Variants in RAP1B observed in about 807,000 individuals in gnomAD.
RAP1B encodes the protein RAP1B, member of RAS oncogene family.
RAP1B carries 1 observed loss-of-function variant against 27.5 expected under a neutral mutation model. The observed-to-expected ratio is 0.04, with a 90% CI of 0.01 to 0.17. The LOEUF (loss-of-function observed/expected upper bound fraction) is 0.17, where lower values mean the gene tolerates loss of function less well. Among genes scored for constraint, RAP1B ranks in the 10% least tolerant of loss-of-function variants. The probability of loss-of-function intolerance (pLI) is 1.00; values close to 1 mark genes in which losing one functional copy is unlikely to be tolerated. For synonymous variants in RAP1B, 75 were observed against 73.1 expected, an observed-to-expected ratio of 1.03 and a Z score of -0.13; for missense variants, 84 against 214.8, an observed-to-expected ratio of 0.39 and a Z score of 3.81.
At chr12:68,651,595 G>C (rs1873818053) in intron 3 of RAP1B, 1 of 171,608 alleles carries the variant, frequency 5.8e-6, no homozygotes, top group Non-Finnish European at 1.3e-5. Context: ...GTTACCTAGA[G>C]AAATGAGGTA....
At chr12:68,632,160 T>TTTTC (rs150063055) in intron 1 of RAP1B, among the ~76,000 whole-genome samples, 9 of 144,804 alleles carry the variant, frequency 6.2e-5, no homozygotes, top group African/African-American at 1.9e-4. Context: ...GTTTTTTTTT[T>TTTTC]CCAGACTGTT....
rs1874889400 is a variant in RAP1B, at chr12:68,667,155, A to G, written c.*7906A>G. Reference sequence around the variant, plus strand: ...ACAAACTTTTCTTTTTCATTTTCAGACATATCCAGAGGGTTTTCTCTTCAT... The same window carrying G: ...ACAAACTTTTCTTTTTCATTTTCAGGCATATCCAGAGGGTTTTCTCTTCAT... On this transcript the variant is annotated 3_prime_UTR_variant, in exon 8 of 8. Coordinates refer to ENST00000250559, the MANE Select transcript of RAP1B (RefSeq NM_001010942.3). 6.6e-6 allele frequency: 1 copy of G among 152,168 alleles called. No individual in the cohort carries two copies. Among genetic ancestry groups the G allele is most frequent in the South Asian group, 2.1e-4 (1 of 4,828 alleles). The allele number at this position is 152,168 out of a possible 1,614,324, so 9.4% of individuals were successfully genotyped here. A position where few individuals can be genotyped will look rare whatever the true frequency, so the allele number is the denominator to read the frequency against.
chr12:68,648,592 A>T (rs972256655), intron 1 of RAP1B, 107 bp from the exon 2 acceptor site: 1 of 904,612 alleles, frequency 1.1e-6, no homozygotes, highest in African/African-American at 1.7e-5. Flanking sequence ...AGGGTTGTAT[A>T]GTAATCATTT....
intron 1 of RAP1B, among the ~76,000 whole-genome samples, chr12:68,625,059 G>A (rs1175912146): frequency 6.6e-6 from 1 of 152,194 alleles, no homozygotes; most frequent in East Asian, 1.9e-4. Context: ...CACACATAAT[G>A]CATGTGATGT....
chr12:68,642,547 A>C (rs565059651), intron 1 of RAP1B: 100 of 1,038,314 alleles, frequency 9.6e-5, no homozygotes, highest in Non-Finnish European at 1.4e-4. Flanking sequence ...GAGGCCAATA[A>C]GGATACTTTT....
chr12:68,654,360 G>GGT lies in RAP1B; in HGVS notation c.324+111_324+112dup, dbSNP rs1555173477. The GGT allele has an allele frequency of 8.6e-4, 370 of 432,062 alleles. 10 individuals carry two copies. The highest frequency in any genetic ancestry group is 1.2e-3 in the South Asian group (24 of 20,830). The allele number at this position is 432,062 out of a possible 1,614,324, so 26.8% of individuals were successfully genotyped here. On this transcript the variant is annotated intron_variant, in intron 5 of 7. Coordinates refer to ENST00000250559, the MANE Select transcript of RAP1B (RefSeq NM_001010942.3). ...GCTTGTGTATTTTGGTTGGGGGGGG[G>GGT]GTGTTGGTTTTTTTAAACTTTTTCC...
intron 1 of RAP1B, among the ~76,000 whole-genome samples, chr12:68,636,975 C>T (rs1464900500): frequency 6.6e-6 from 1 of 151,932 alleles, no homozygotes; most frequent in East Asian, 1.9e-4. Context: ...TTTTTAATGC[C>T]AAGATTTGTG....
At chr12:68,611,280 A>G (rs1231934676) in intron 1 of RAP1B, among the ~76,000 whole-genome samples, 1 of 150,140 alleles carries the variant, frequency 6.7e-6, no homozygotes, top group Non-Finnish European at 1.5e-5. Flanking sequence ...CCGCCGCGGG[A>G]GAACAGCGCG....
intron 6 of RAP1B, 199 bp downstream of exon 6, chr12:68,656,648 T>C: frequency 1.7e-6 from 1 of 596,716 alleles, no homozygotes; most frequent in Non-Finnish European, 2.9e-6. Flanking sequence ...TACTTGTACA[T>C]TGATATTTAC....
intron 1 of RAP1B, among the ~76,000 whole-genome samples, chr12:68,644,950 C>T (rs534925082): frequency 1.4e-3 from 206 of 152,226 alleles, no homozygotes; most frequent in African/African-American, 3.6e-3. Flanking sequence ...CCAACCGCCT[C>T]GGCCTCCCAA....
chr12:68,629,746 G>C (rs1464084090), intron 1 of RAP1B, among the ~76,000 whole-genome samples: 1 of 152,100 alleles, frequency 6.6e-6, no homozygotes, highest in South Asian at 2.1e-4. Flanking sequence ...TCACATAGAG[G>C]TATTGAATGA....
Position 68,654,602 on chromosome 12 carries a change from C to T in RAP1B, c.324+350C>T, listed in dbSNP as rs1281687459. Reference sequence around the variant, plus strand: ...ACGCCATTCTCCTGCCTCAGCCTCCCGGGTAGCTGGGACTACAGGCGCCTG... The same window carrying T: ...ACGCCATTCTCCTGCCTCAGCCTCCTGGGTAGCTGGGACTACAGGCGCCTG... On this transcript the variant is annotated intron_variant, in intron 5 of 7. Transcript: ENST00000250559. Among the ~76,000 whole-genome samples, 9 of 152,002 alleles carry T rather than the reference C, an allele frequency of 5.9e-5. No individual in the cohort carries two copies. The East Asian group carries it at 9.7e-4, about 16-fold the overall frequency.
At chr12:68,657,642 G>T (rs1252748303) in intron 7 of RAP1B, 1 of 157,664 alleles carries the variant, frequency 6.3e-6, no homozygotes, top group Middle Eastern at 3.1e-3. Context: ...TCTTGACCTC[G>T]TGATCTGCCC....
At chr12:68,626,783 T>G (rs946807015) in intron 1 of RAP1B, 7 of 1,301,402 alleles carry the variant, frequency 5.4e-6, no homozygotes, top group Non-Finnish European at 7.4e-6. Flanking sequence ...TGTTTTTTTT[T>G]TGTTGTTTGT....
At chr12:68,647,989 C>T (rs1873545576) in intron 1 of RAP1B, 1 of 152,100 alleles carries the variant, frequency 6.6e-6, no homozygotes, top group Non-Finnish European at 1.5e-5. Context: ...TAGTTTTTTT[C>T]TAGGAATGTA....
chr12:68,646,682 G>A (rs1873435112), intron 1 of RAP1B, among the ~76,000 whole-genome samples: 1 of 152,182 alleles, frequency 6.6e-6, no homozygotes, highest in East Asian at 1.9e-4. Context: ...GTGGAGGAAG[G>A]GTGGAGAATT....
intron 1 of RAP1B, among the ~76,000 whole-genome samples, chr12:68,634,873 A>G (rs1872524500): frequency 6.6e-6 from 1 of 152,334 alleles, no homozygotes; most frequent in Non-Finnish European, 1.5e-5. Context: ...GATTAATTGA[A>G]AAAACTTGAT....
In RAP1B at chr12:68,648,757, A is replaced by G. The variant is rs1873600942; in HGVS notation, c.33A>G (p.Ser11=). The G allele has an allele frequency of 6.2e-7, 1 of 1,612,628 alleles. No individual in the cohort carries two copies. Among genetic ancestry groups the G allele is most frequent in the East Asian group, 2.2e-5 (1 of 44,852 alleles). ...AGTATAAGCTAGTCGTTCTTGGCTC[A>G]GGAGGCGTTGGAAAGTCTGCTTTGG... MREYKLVVLG[S]GGVGKSALTV... is the part of the protein sequence containing the mutation. The change falls in exon 2 of 8, where the codon TCA becomes TCG. Residue 11 remains serine (S), a synonymous_variant. Coordinates refer to ENST00000250559, the MANE Select transcript of RAP1B (RefSeq NM_001010942.3).
chr12:68,656,877 T>G (rs1224151742), intron 6 of RAP1B, among the ~76,000 whole-genome samples: 13 of 152,170 alleles, frequency 8.5e-5, no homozygotes, highest in African/African-American at 1.2e-4. Context: ...TAAGTTAAGA[T>G]CTCTGCAGCT....
Sources: gnomAD v4.1 joint callset for allele counts (sites outside exome capture counted in the v4.1 genomes callset) on GRCh38, gnomAD v4.1.1 for gene constraint, MANE v1.5 for transcripts, NCBI Gene and HGNC (gene_info 2026-07-23, HGNC 2026-07-21) for gene names.